Variants in DNAJC11 observed in about 807,000 individuals in gnomAD.
The protein encoded by DNAJC11 is dnaJ homolog subfamily C member 11.
A neutral mutation model predicts 78.6 loss-of-function variants in DNAJC11; 15 were observed. The observed-to-expected ratio is 0.19, with a 90% CI of 0.13 to 0.29. The LOEUF is 0.29. Among genes scored for constraint, DNAJC11 ranks in the 10% least tolerant of loss-of-function variants. The probability of loss-of-function intolerance (pLI) is 1.00; values close to 1 mark genes in which losing one functional copy is unlikely to be tolerated. For missense variants in DNAJC11, 547 were observed against 709.6 expected, an observed-to-expected ratio of 0.77 and a Z score of 2.60; for synonymous variants, 292 against 272.1, an observed-to-expected ratio of 1.07 and a Z score of -0.72.
At chr1:6,644,467 G>T in intron 10 of DNAJC11, 91 bp downstream of exon 10, 1 of 964,422 alleles carries the variant, frequency 1.0e-6, no homozygotes. Flanking sequence ...AAATTACAAT[G>T]CAAAGGCTAT....
At chr1:6,695,133 G>A (rs564201204) in intron 1 of DNAJC11, among the ~76,000 whole-genome samples, 5 of 137,184 alleles carry the variant, frequency 3.6e-5, no homozygotes, top group Admixed American at 7.7e-5. Context: ...GTGACAGAGC[G>A]AGACTCTCTC....
chr1:6,652,677 G>T, intron 6 of DNAJC11, 152 bp downstream of exon 6: 1 of 1,020,986 alleles, frequency 9.8e-7, no homozygotes, highest in Non-Finnish European at 1.4e-6. Context: ...TTTCTTTTAG[G>T]ACCAGTCAAC....
In DNAJC11 at chr1:6,637,255, A is replaced by T; in HGVS notation, c.1467T>A (p.Thr489=). ...CCTTCACCAGGCACTGCAGGGGCAC[A>T]GTCACGTCAATCACCTTCACCTTCT... ...KSEKVKVIDV[T]VPLQCLVKDS... Residue 489 remains threonine (T), a synonymous_variant, in exon 14 of 16, where the codon ACT becomes ACA. Coordinates refer to ENST00000377577, the MANE Select transcript of DNAJC11 (RefSeq NM_018198.4). 4 of 1,614,198 alleles carry T rather than the reference A, an allele frequency of 2.5e-6. No homozygotes were observed. The highest frequency in any genetic ancestry group is 3.4e-6 in the Non-Finnish European group (4 of 1,180,040).
rs958297266 is a variant in DNAJC11, at chr1:6,634,387, G to A, written c.*1288C>T. On this transcript the variant is annotated 3_prime_UTR_variant, in exon 16 of 16. Coordinates refer to ENST00000377577, the MANE Select transcript of DNAJC11 (RefSeq NM_018198.4). ...TGAATGTTACAGAATTGGACAACCC[G>A]AACTGCTTTTCAAAACCAGAGGAAG... is the stretch of plus-strand genomic sequence containing the variant. 22 of 1,199,192 alleles carry A rather than the reference G, an allele frequency of 1.8e-5. No homozygotes were observed. The highest frequency in any genetic ancestry group is 4.7e-5 in the African/African-American group (3 of 64,388). 74.3% of individuals were successfully genotyped at this position (1,199,192 alleles called of 1,614,324 possible).
chr1:6,690,037 C>T (rs1158318388), intron 1 of DNAJC11, among the ~76,000 whole-genome samples: 2 of 152,102 alleles, frequency 1.3e-5, no homozygotes, highest in Admixed American at 6.5e-5. Flanking sequence ...ATAAAAATCC[C>T]GAGGATCGGA....
At chr1:6,664,572 C>T (rs1302672913) in intron 4 of DNAJC11, among the ~76,000 whole-genome samples, 1 of 152,162 alleles carries the variant, frequency 6.6e-6, no homozygotes, top group East Asian at 1.9e-4. Flanking sequence ...CTCACAGGTC[C>T]CACCATTCCT....
chr1:6,675,305 C>T (rs1293684263), intron 3 of DNAJC11, among the ~76,000 whole-genome samples: 1 of 148,662 alleles, frequency 6.7e-6, no homozygotes, highest in East Asian at 1.9e-4. Flanking sequence ...AAAAAAAAAG[C>T]CAATTCTGAT....
intron 10 of DNAJC11, among the ~76,000 whole-genome samples, chr1:6,641,260 C>T (rs1022101555): frequency 6.6e-6 from 1 of 151,302 alleles, no homozygotes; most frequent in African/African-American, 2.4e-5. Flanking sequence ...GTGGTGGGCG[C>T]CTGTAATCCC....
intron 7 of DNAJC11, among the ~76,000 whole-genome samples, chr1:6,646,291 C>T (rs1380261476): frequency 6.6e-6 from 1 of 152,192 alleles, no homozygotes; most frequent in East Asian, 1.9e-4. Context: ...GGATGGGGGC[C>T]GAGGAGTGCA....
intron 3 of DNAJC11, among the ~76,000 whole-genome samples, chr1:6,676,214 G>A (rs1266487778): frequency 2.0e-5 from 3 of 152,142 alleles, no homozygotes; most frequent in Non-Finnish European, 4.4e-5. Flanking sequence ...GGGGAGTGGT[G>A]GGGACTGGGA....
rs1444921658 is a variant in DNAJC11 at position 6,653,760 on chromosome 1, G to A, written c.507+151C>T. 1 of 1,052,270 alleles carries A rather than the reference G, an allele frequency of 9.5e-7. No homozygotes were observed. The highest frequency in any genetic ancestry group is 1.4e-6 in the Non-Finnish European group (1 of 738,698). 65.2% of individuals were successfully genotyped at this position (1,052,270 alleles called of 1,614,324 possible). On this transcript the variant is annotated intron_variant, in intron 5 of 15. Coordinates refer to ENST00000377577, the MANE Select transcript of DNAJC11 (RefSeq NM_018198.4). The surrounding 1 kb of genome is among the most constrained non-coding windows in gnomAD (Gnocchi z 4.5). ...ACAGCGGTAACACACGGCTGGGAAT[G>A]AAGCGCTTTCTTTTTTAAGTGGCTA...
chr1:6,645,184 T>TACCCATCTCCCCACAGA lies in DNAJC11; in HGVS notation c.895-59_895-58insTCTGTGGGGAGATGGGT. The TACCCATCTCCCCACAGA allele has an allele frequency of 3.6e-6, 5 of 1,386,758 alleles. No individual in the cohort carries two copies. Among genetic ancestry groups the TACCCATCTCCCCACAGA allele is most frequent in the Non-Finnish European group, 5.1e-6 (5 of 977,212 alleles). 85.9% of individuals were successfully genotyped at this position (1,386,758 alleles called of 1,614,324 possible). ...TAGGGCGTGTGACTCTGTGGGGAGATGGGTATCTGCCCTCCCACTAGCTCT... is the reference window on the plus strand; with the variant it reads ...TAGGGCGTGTGACTCTGTGGGGAGATACCCATCTCCCCACAGAGGGTATCTGCCCTCCCACTAGCTCT... On this transcript the variant is annotated intron_variant, in intron 8 of 15. Coordinates refer to ENST00000377577, the MANE Select transcript of DNAJC11 (RefSeq NM_018198.4). This position sits in a 1 kb window ranked among gnomAD's most constrained non-coding sequence, Gnocchi z 4.1.
At position 6,681,011 on chromosome 1, in the gene DNAJC11, G is replaced by C. The variant is rs1215887197; in HGVS notation, c.99C>G (p.Ala33=). ...GGTAGAGCATACAGAGCCTCCGGTAGGCAGCTTTCAGCTCTTCAGAAGAGG... is the reference window on the plus strand; with the variant it reads ...GGTAGAGCATACAGAGCCTCCGGTACGCAGCTTTCAGCTCTTCAGAAGAGG... ...REASSEELKA[A]YRRLCMLYHP... The change falls in exon 2 of 16, where the codon GCC becomes GCG. Residue 33 remains alanine (A), a synonymous_variant. Coordinates refer to ENST00000377577, the MANE Select transcript of DNAJC11 (RefSeq NM_018198.4). 2 of 1,613,558 alleles carry C rather than the reference G, an allele frequency of 1.2e-6. No individual in the cohort carries two copies. Among genetic ancestry groups the C allele is most frequent in the Non-Finnish European group, 8.5e-7 (1 of 1,179,658 alleles).
intron 3 of DNAJC11, among the ~76,000 whole-genome samples, chr1:6,669,942 C>G (rs574717612): frequency 6.6e-6 from 1 of 151,792 alleles, no homozygotes; most frequent in African/African-American, 2.4e-5. Flanking sequence ...GGAAATTTCA[C>G]GTTTCAAAAA....
rs1183956982 is a variant in DNAJC11 at position 6,634,948 on chromosome 1, C to T, written c.*727G>A. On this transcript the variant is annotated 3_prime_UTR_variant, in exon 16 of 16. Coordinates refer to ENST00000377577, the MANE Select transcript of DNAJC11 (RefSeq NM_018198.4). The stretch of plus-strand genomic sequence containing the variant: ...GGAGGGACACAGGCCAGCTCAAGCC[C>T]GCTGGTGGCAGGGCGTTTTCCCACC... 8 of 1,059,906 alleles carry T rather than the reference C, an allele frequency of 7.5e-6. No individual in the cohort carries two copies. The highest frequency in any genetic ancestry group is 5.0e-5 in the African/African-American group (3 of 60,208). 65.7% of individuals were successfully genotyped at this position (1,059,906 alleles called of 1,614,324 possible).
intron 1 of DNAJC11, among the ~76,000 whole-genome samples, chr1:6,689,983 T>A (rs1037654073): frequency 6.6e-6 from 1 of 152,200 alleles, no homozygotes; most frequent in African/African-American, 2.4e-5. Flanking sequence ...ATACTTTTAA[T>A]ACTCAAAACG....
At chr1:6,687,427 G>A (rs1642674796) in intron 1 of DNAJC11, among the ~76,000 whole-genome samples, 2 of 148,484 alleles carry the variant, frequency 1.3e-5, no homozygotes, top group Non-Finnish European at 3.0e-5. Context: ...CATGATCTCG[G>A]CTCACTGCAA....
intron 7 of DNAJC11, among the ~76,000 whole-genome samples, chr1:6,650,790 T>C (rs1288210724): frequency 6.6e-6 from 1 of 151,998 alleles, no homozygotes; most frequent in Non-Finnish European, 1.5e-5. Flanking sequence ...GGAGAATAGC[T>C]TGAACCCAGG....
intron 1 of DNAJC11, among the ~76,000 whole-genome samples, chr1:6,695,609 G>C (rs1642821529): frequency 8.7e-6 from 1 of 115,028 alleles, no homozygotes; most frequent in South Asian, 3.1e-4. Context: ...GGCCAACATA[G>C]TGAAACCCTA....
Sources: allele counts gnomAD v4.1 joint callset (sites outside exome capture counted in the v4.1 genomes callset), GRCh38; gene constraint gnomAD v4.1.1; non-coding constraint Gnocchi (gnomAD v3.1); transcripts MANE v1.5; gene names NCBI Gene and HGNC (gene_info 2026-07-23, HGNC 2026-07-21).